The following RFC3 variants were observed in gnomAD, a reference collection of about 807,000 sequenced individuals.
RFC3 encodes the protein A1 38 kDa subunit.
Under a neutral mutation model 45.1 loss-of-function variants are expected in RFC3, and 41 were observed. That is an observed-to-expected ratio of 0.91 (90% CI 0.71 to 1.18). RFC3 has a LOEUF of 1.18. Among genes scored for constraint, RFC3 ranks in the 50% most tolerant of loss-of-function variants. The pLI is 0.00. For synonymous variants in RFC3, 149 were observed against 144.0 expected (o/e 1.03, Z -0.25); for missense variants, 423 against 428.1 (o/e 0.99, Z 0.10).
At chr13:33,919,332 A>G (rs1402180000) in intron 8 of RFC3, among the ~76,000 whole-genome samples, 1 of 152,060 alleles carries the variant, frequency 6.6e-6, no homozygotes, top group Non-Finnish European at 1.5e-5. Context: ...GTTGTCATGG[A>G]AACCCTGAAA....
the RFC3 span, among the ~76,000 whole-genome samples, chr13:33,975,201 C>T: frequency 6.6e-6 from 1 of 152,258 alleles, no homozygotes; most frequent in African/African-American, 2.4e-5. Context: ...GGAAACTATT[C>T]AAGAATGCAA....
At position 33,836,615 on chromosome 13, in the gene RFC3, T is replaced by G; in HGVS notation, c.*320T>G. On this transcript the variant is annotated 3_prime_UTR_variant, in exon 9 of 9. Transcript: ENST00000380071. The stretch of plus-strand genomic sequence containing the variant: ...CTAATCTCTCACCTGCTAAAGGAGA[T>G]TTACACATTAGAAAGCAAAGATTAT... The G allele has an allele frequency of 9.8e-7, 1 of 1,020,148 alleles. No homozygotes were observed. The highest frequency in any genetic ancestry group is 1.2e-6 in the Non-Finnish European group (1 of 851,994). 63.2% of individuals were successfully genotyped at this position (1,020,148 alleles called of 1,614,324 possible).
chr13:33,947,290 G>T (rs2082960427), intron 8 of RFC3, among the ~76,000 whole-genome samples: 2 of 152,094 alleles, frequency 1.3e-5, no homozygotes, highest in Admixed American at 1.3e-4. Flanking sequence ...TAAGCATCTG[G>T]CATTTTCCCC....
At chr13:33,818,390 AAC>A (rs1593599118) in intron 1 of RFC3, 125 bp downstream of exon 1, 1 of 694,142 alleles carries the variant, frequency 1.4e-6, no homozygotes, top group Non-Finnish European at 2.4e-6. Flanking sequence ...GGAGAAAAAT[AAC>A]ACAGGGAAGG....
intron 8 of RFC3, among the ~76,000 whole-genome samples, chr13:33,954,639 G>C (rs1044596441): frequency 2.6e-5 from 4 of 152,212 alleles, no homozygotes; most frequent in Admixed American, 1.3e-4. Context: ...GATTAAGGGT[G>C]CTGGCAGATC....
In RFC3 at chr13:33,836,670, C is replaced by T. The variant is rs1278783661; in HGVS notation, c.*375C>T. The T allele has an allele frequency of 1.0e-6, 1 of 990,536 alleles. No homozygotes were observed. The highest frequency in any genetic ancestry group is 5.9e-5 in the Admixed American group (1 of 16,824). 61.4% of individuals were successfully genotyped at this position (990,536 alleles called of 1,614,324 possible). ...ATTTATCCAGATGACCATTTTCTGC[C>T]ACAGGTAACATGATTGTTTGACACA... On this transcript the variant is annotated 3_prime_UTR_variant, in exon 9 of 9. Transcript: ENST00000380071.
chr13:33,964,375 G>A (rs1485964130), intron 8 of RFC3, among the ~76,000 whole-genome samples: 1 of 152,240 alleles, frequency 6.6e-6, no homozygotes, highest in South Asian at 2.1e-4. Context: ...GAGCCAGATG[G>A]GTGTGGATTC....
At chr13:33,946,254 A>G (rs2082953870) in intron 8 of RFC3, among the ~76,000 whole-genome samples, 1 of 152,194 alleles carries the variant, frequency 6.6e-6, no homozygotes, top group Admixed American at 6.5e-5. Context: ...TATCAAATAA[A>G]TGTTCCTGTG....
downstream of RFC3, among the ~76,000 whole-genome samples, chr13:33,970,523 T>C (rs928485285): frequency 5.3e-5 from 8 of 152,236 alleles, no homozygotes; most frequent in Non-Finnish European, 7.3e-5. Context: ...GATCATATTT[T>C]ATAAAGTGTA....
At chr13:33,902,518 C>G (rs2082647920) in intron 8 of RFC3, among the ~76,000 whole-genome samples, 1 of 151,896 alleles carries the variant, frequency 6.6e-6, no homozygotes, top group Non-Finnish European at 1.5e-5. Flanking sequence ...GATAATTGTT[C>G]CGTATTTTAT....
intron 7 of RFC3, among the ~76,000 whole-genome samples, chr13:33,833,533 G>A (rs997441927): frequency 3.3e-5 from 5 of 152,066 alleles, no homozygotes; most frequent in Non-Finnish European, 1.5e-5. Context: ...CATGGTAAAT[G>A]TAGAATATGT....
chr13:33,949,826 C>G lies in RFC3; in HGVS notation c.880-16261C>G, dbSNP rs567940119. On this transcript the variant is annotated intron_variant, in intron 8 of 8. Transcript: ENST00000434425. ...TGAAGACTTGAATAGAACAAAAAGA[C>G]TGACCTTTCCAGGTAAGAGAGAATT... Among the ~76,000 whole-genome samples the G allele has an allele frequency of 2.0e-5, 3 of 152,290 alleles. No individual in the cohort carries two copies. The East Asian group carries it at 5.8e-4, about 29-fold the overall frequency.
chr13:33,921,390 G>C (rs2082767993), intron 8 of RFC3, among the ~76,000 whole-genome samples: 1 of 152,148 alleles, frequency 6.6e-6, no homozygotes, highest in Non-Finnish European at 1.5e-5. Flanking sequence ...ACACAACTTA[G>C]AGGGTTAGGG....
intron 1 of RFC3, 109 bp from the exon 2 acceptor site, chr13:33,821,023 G>T: frequency 9.3e-7 from 1 of 1,077,398 alleles, no homozygotes; most frequent in Non-Finnish European, 1.3e-6. Context: ...TCATGAACTG[G>T]GAGTTTCATG....
chr13:33,827,070 T>A (rs997813926), intron 4 of RFC3, among the ~76,000 whole-genome samples: 1 of 152,202 alleles, frequency 6.6e-6, no homozygotes, highest in East Asian at 1.9e-4. Flanking sequence ...TCCATGAATA[T>A]GCTTTTATGA....
intron 8 of RFC3, among the ~76,000 whole-genome samples, chr13:33,950,242 T>G (rs2082981164): frequency 6.6e-6 from 1 of 152,282 alleles, no homozygotes; most frequent in African/African-American, 2.4e-5. Flanking sequence ...TTCAGGGATG[T>G]TCTTAAATAA....
chr13:33,872,117 C>T (rs186702238), intron 8 of RFC3, among the ~76,000 whole-genome samples: 87 of 152,038 alleles, frequency 5.7e-4, no homozygotes, highest in Middle Eastern at 3.4e-3. Flanking sequence ...CTTGTTTGTT[C>T]GACTTCATGT....
Position 33,928,834 on chromosome 13 carries a change from T to TGG in RFC3, c.880-37246_880-37245dup, listed in dbSNP as rs141443352. 5.5e-3 allele frequency among the ~76,000 whole-genome samples: 826 copies of TGG among 150,964 alleles called. 8 individuals are homozygous for TGG. Among genetic ancestry groups the TGG allele is most frequent in the African/African-American group, 0.019 (759 of 40,658 alleles). On this transcript the variant is annotated intron_variant, in intron 8 of 8. Transcript: ENST00000434425. ...CGTTTGAATGAAGAGAACCAATGTC[T>TGG]GGGGGGGGAAGTGAAAACTATCTGA...
chr13:33,838,067 T>G (rs374812677), downstream of RFC3, among the ~76,000 whole-genome samples: 3 of 152,248 alleles, frequency 2.0e-5, no homozygotes, highest in Admixed American at 1.3e-4. Context: ...GAGAGAAATA[T>G]TGAAATCTCC....
Sources: gnomAD v4.1 joint callset for allele counts (sites outside exome capture counted in the v4.1 genomes callset) on GRCh38, gnomAD v4.1.1 for gene constraint, MANE v1.5 for transcripts, NCBI Gene and HGNC (gene_info 2026-07-23, HGNC 2026-07-21) for gene names.